NCKAP1: variants seen among roughly 807,000 people sequenced by gnomAD.
NCKAP1 encodes the protein nck-associated protein 1.
In NCKAP1, 21 loss-of-function variants were observed where a neutral mutation model predicts 151.2. The ratio of observed to expected loss-of-function variants is 0.14; its 90% confidence interval spans 0.10 to 0.20. The LOEUF (loss-of-function observed/expected upper bound fraction) is 0.20. NCKAP1 is among the 10% of genes least tolerant of loss of function. The pLI, the probability that NCKAP1 is intolerant of heterozygous loss-of-function variation, is 1.00. For missense variants in NCKAP1, 933 were observed against 1,352.1 expected (o/e 0.69, Z 4.86); for synonymous variants, 484 against 451.8 (o/e 1.07, Z -0.90).
intron 2 of NCKAP1, among the ~76,000 whole-genome samples, chr2:183,012,618 C>A (rs920103397): frequency 3.4e-5 from 5 of 149,052 alleles, no homozygotes; most frequent in African/African-American, 9.8e-5. Context: ...CATCCCCTTA[C>A]GCCTTTTTTT....
intron 1 of NCKAP1, among the ~76,000 whole-genome samples, chr2:183,036,866 A>G (rs1301784690): frequency 6.6e-6 from 1 of 152,096 alleles, no homozygotes; most frequent in African/African-American, 2.4e-5. Context: ...CCTACAATCT[A>G]TTGCTATGAT....
chr2:182,956,672 C>A (rs945978525), intron 19 of NCKAP1, 79 bp from the exon 20 acceptor site: 2 of 1,400,748 alleles, frequency 1.4e-6, no homozygotes, highest in Non-Finnish European at 1.9e-6. Flanking sequence ...AATATATCAA[C>A]CTTATTTGGA....
intron 16 of NCKAP1, 33 bp downstream of exon 16, chr2:182,967,183 T>C (rs1334069269): frequency 6.3e-7 from 1 of 1,578,354 alleles, no homozygotes; most frequent in Non-Finnish European, 8.6e-7. Flanking sequence ...ACTAAAACTT[T>C]CAAATCCAGA....
chr2:182,983,136 A>G (rs1697975893), intron 11 of NCKAP1, 150 bp downstream of exon 11: 2 of 700,338 alleles, frequency 2.9e-6, no homozygotes, highest in Non-Finnish European at 4.8e-6. Context: ...GGTACGATGT[A>G]TGAATGTCAA....
At chr2:183,030,462 G>A (rs567916798) in intron 1 of NCKAP1, among the ~76,000 whole-genome samples, 31 of 152,270 alleles carry the variant, frequency 2.0e-4, no homozygotes, top group Non-Finnish European at 2.8e-4. Flanking sequence ...TGATTTTCTA[G>A]TACAATGAAT....
intron 6 of NCKAP1, among the ~76,000 whole-genome samples, chr2:183,001,145 A>T (rs904679849): frequency 6.6e-6 from 1 of 152,190 alleles, no homozygotes; most frequent in African/African-American, 2.4e-5. Flanking sequence ...AACTTTTATG[A>T]TTCAAAGAGA....
chr2:183,002,257 C>A lies in NCKAP1; in HGVS notation c.382G>T (p.Asp128Tyr). 2 of 1,533,230 alleles carry A rather than the reference C, an allele frequency of 1.3e-6. No individual in the cohort carries two copies. Among genetic ancestry groups the A allele is most frequent in the South Asian group, 2.4e-5 (2 of 85,076 alleles). The allele number at this position is 1,533,230 out of a possible 1,614,324, so 95.0% of individuals were successfully genotyped here. ...AAATCTAAGTAGTTCTTTGTTAAAT[C>A]AAAGTTTACAGTCTAGGAGAAAAAA... ...QVFFDITVNF[D>Y]LTKNYLDLII... The change falls in exon 5 of 31, where the codon GAT becomes TAT. Residue 128 changes from aspartate to tyrosine, a missense_variant. Coordinates refer to ENST00000361354, the MANE Select transcript of NCKAP1 (RefSeq NM_013436.5).
At chr2:182,927,809 A>T (rs1413434396) in intron 29 of NCKAP1, among the ~76,000 whole-genome samples, 1 of 151,962 alleles carries the variant, frequency 6.6e-6, no homozygotes, top group South Asian at 2.1e-4. Context: ...CAGCTTGGGG[A>T]AAAAAGGTCA....
chr2:183,007,134 A>C (rs888333781), intron 2 of NCKAP1, among the ~76,000 whole-genome samples: 3 of 152,156 alleles, frequency 2.0e-5, no homozygotes, highest in African/African-American at 7.2e-5. Context: ...CGGCCTCCCA[A>C]AGTGCTGGGA....
At chr2:182,972,224 C>CAAAAAAAAAAAAAAAAA (rs56834438) in intron 15 of NCKAP1, among the ~76,000 whole-genome samples, 14 of 67,706 alleles carry the variant, frequency 2.1e-4, no homozygotes, top group African/African-American at 4.1e-4. Flanking sequence ...AGCTTAATAG[C>CAAAAAAAAAAAAAAAAA]AAAAAAAAAA....
At chr2:183,033,898 G>T (rs1699052817) in intron 1 of NCKAP1, among the ~76,000 whole-genome samples, 1 of 152,012 alleles carries the variant, frequency 6.6e-6, no homozygotes, top group Admixed American at 6.5e-5. Context: ...TTGAGTTTTT[G>T]ACAATAAACA....
rs1696608853 is a variant in NCKAP1 at position 182,924,787 on chromosome 2, C to T, written c.*915G>A. The T allele has an allele frequency of 6.6e-6, 1 of 152,040 alleles. No individual in the cohort carries two copies. 9.4% of individuals were successfully genotyped at this position (152,040 alleles called of 1,614,324 possible). On this transcript the variant is annotated 3_prime_UTR_variant, in exon 31 of 31. Transcript: ENST00000361354. Reference sequence around the variant, plus strand: ...CCTGGTATCGAATGCTGTACTTAGACATTCCTAAACCATTATTTTTTATAT... The same window carrying T: ...CCTGGTATCGAATGCTGTACTTAGATATTCCTAAACCATTATTTTTTATAT...
rs531604560 is a variant in NCKAP1, at chr2:182,987,179, T to C, written c.948-952A>G. Reference sequence around the variant, plus strand: ...ATCACTTGATGCCGTGAGGCAGAGGTTGCAGTGAGCTGAGATCACACCACT... The same window carrying C: ...ATCACTTGATGCCGTGAGGCAGAGGCTGCAGTGAGCTGAGATCACACCACT... On this transcript the variant is annotated intron_variant, in intron 9 of 30. Transcript: ENST00000361354. Among the ~76,000 whole-genome samples the C allele has an allele frequency of 6.8e-3, 1,030 of 152,212 alleles. 13 individuals carry two copies. Among genetic ancestry groups the C allele is most frequent in the African/African-American group, 0.024 (987 of 41,530 alleles).
chr2:183,023,875 G>C lies in NCKAP1; in HGVS notation c.150C>G (p.Asp50Glu), dbSNP rs1206287027. The C allele has an allele frequency of 6.2e-7, 1 of 1,613,374 alleles. No individual in the cohort carries two copies. Among genetic ancestry groups the C allele is most frequent in the Admixed American group, 1.7e-5 (1 of 59,984 alleles). The change falls in exon 2 of 31, where the codon GAC becomes GAG. Residue 50 changes from aspartate (D) to glutamate (E), a missense_variant. By Grantham distance (45) the Asp-to-Glu change is conservative. Around this residue, in one of 2 missense-constraint regions of NCKAP1, gnomAD observed 607 missense variants for 795.0 expected, o/e 0.76. Coordinates refer to ENST00000361354, the MANE Select transcript of NCKAP1 (RefSeq NM_013436.5). ...ATTTCACAGCAGATTCCAGGTTTTT[G>C]TCGATAAGATAGGATGGTTTTGCCT... Reference protein sequence around the residue: ...DPKAKPSYLIDKNLESAVKFI... With the variant: ...DPKAKPSYLIEKNLESAVKFI...
chr2:183,037,221 T>C (rs371288591), intron 1 of NCKAP1, among the ~76,000 whole-genome samples: 10 of 152,320 alleles, frequency 6.6e-5, no homozygotes, highest in African/African-American at 2.2e-4. Context: ...TCAGCAGCAA[T>C]TGCAACATTT....
At chr2:182,955,766 T>G (rs535051019) in intron 20 of NCKAP1, among the ~76,000 whole-genome samples, 5 of 152,002 alleles carry the variant, frequency 3.3e-5, no homozygotes, top group East Asian at 1.9e-4. Context: ...GTGTACTGGG[T>G]TTTTTTTCCT....
At position 182,915,895 on chromosome 2, in the gene NCKAP1, T is replaced by A. The variant is rs1379262540; in HGVS notation, c.*9807A>T. 5.3e-5 allele frequency: 8 copies of A among 152,158 alleles called. No homozygotes were observed. The highest frequency in any genetic ancestry group is 1.9e-4 in the African/African-American group (8 of 41,428). The allele number at this position is 152,158 out of a possible 1,614,324, so 9.4% of individuals were successfully genotyped here. On this transcript the variant is annotated 3_prime_UTR_variant, in exon 31 of 31. Transcript: ENST00000361354. ...TTAAATTTTCAGATTTAAAAATAAT[T>A]TTTTTGCTACGTGGAATGCCTTTTT... is the stretch of plus-strand genomic sequence containing the variant.
chr2:183,002,847 A>G (rs991752553), intron 4 of NCKAP1, 127 bp downstream of exon 4: 29 of 625,610 alleles, frequency 4.6e-5, no homozygotes, highest in African/African-American at 4.2e-4. Context: ...AAGCTATAAA[A>G]CAAGCCAAAT....
At chr2:182,983,231 G>T in intron 11 of NCKAP1, 55 bp downstream of exon 11, 2 of 1,391,474 alleles carry the variant, frequency 1.4e-6, no homozygotes, top group Non-Finnish European at 2.0e-6. Context: ...ACTTAGAAAC[G>T]TTTTTTAAAA....
Sources: gnomAD v4.1 joint callset for allele counts (sites outside exome capture counted in the v4.1 genomes callset) on GRCh38, gnomAD v4.1.1 for gene constraint, gnomAD v4.1.1 regional missense constraint, MANE v1.5 for transcripts, NCBI Gene and HGNC (gene_info 2026-07-23, HGNC 2026-07-21) for gene names.